WWP2: variants seen among roughly 807,000 people sequenced by gnomAD.
WWP2 encodes NEDD4-like E3 ubiquitin-protein ligase WWP2.
In WWP2, 57 loss-of-function variants were observed where a neutral mutation model predicts 121.0. That is an observed-to-expected ratio of 0.47 (90% CI 0.38 to 0.59). WWP2 has a LOEUF of 0.59. WWP2 is among the 20% of genes least tolerant of loss of function. WWP2 has a pLI of 0.00. For missense variants in WWP2, 962 were observed against 1,158.9 expected, an observed-to-expected ratio of 0.83 and a Z score of 2.47; for synonymous variants, 449 against 441.3, an observed-to-expected ratio of 1.02 and a Z score of -0.22.
intron 4 of WWP2, among the ~76,000 whole-genome samples, chr16:69,827,261 T>C (rs1276130422): frequency 6.6e-6 from 1 of 152,190 alleles, no homozygotes; most frequent in Admixed American, 6.5e-5. Flanking sequence ...GGTTCATTTA[T>C]TTCTTTGCCC....
chr16:69,822,352 G>T (rs189979968), intron 4 of WWP2, among the ~76,000 whole-genome samples: 10 of 152,318 alleles, frequency 6.6e-5, no homozygotes, highest in Admixed American at 2.0e-4. Flanking sequence ...CGAGCTAGAG[G>T]CTGGCGCTGA....
intron 6 of WWP2, among the ~76,000 whole-genome samples, chr16:69,864,185 T>TG (rs1278369443): frequency 6.6e-6 from 1 of 151,938 alleles, no homozygotes; most frequent in African/African-American, 2.4e-5. Flanking sequence ...CTGGGCAACA[T>TG]GGTAAAACCC....
chr16:69,826,570 T>TAA (rs2056696005), intron 4 of WWP2, among the ~76,000 whole-genome samples: 1 of 67,234 alleles, frequency 1.5e-5, no homozygotes, highest in Admixed American at 2.3e-4. Context: ...AGACTCCGTC[T>TAA]CAAAAAAAAA....
chr16:69,906,569 T>G (rs1427866452), intron 8 of WWP2, among the ~76,000 whole-genome samples: 4 of 152,228 alleles, frequency 2.6e-5, no homozygotes, highest in Non-Finnish European at 4.4e-5. Context: ...CTCCTAAAAG[T>G]CAGCACGTGA....
intron 10 of WWP2, among the ~76,000 whole-genome samples, chr16:69,922,264 T>C (rs7192872): frequency 0.043 from 6,479 of 151,634 alleles, 468 homozygotes; most frequent in African/African-American, 0.15. Context: ...AAAAAAAAAA[T>C]GCCTGCGTTC....
chr16:69,934,150 T>G (rs770278853), intron 17 of WWP2, 21 bp downstream of exon 17: 12 of 1,612,772 alleles, frequency 7.4e-6, no homozygotes, highest in Non-Finnish European at 1.0e-5. Context: ...CCCAGGGGTC[T>G]GCCTAGTTCC....
intron 8 of WWP2, among the ~76,000 whole-genome samples, chr16:69,889,899 A>T (rs1240250791): frequency 6.6e-6 from 1 of 152,134 alleles, no homozygotes; most frequent in African/African-American, 2.4e-5. Flanking sequence ...GTGCTGTATT[A>T]TTCTTTTTTT....
At chr16:69,840,352 G>A in intron 5 of WWP2, 89 bp downstream of exon 5, 1 of 1,565,958 alleles carries the variant, frequency 6.4e-7, no homozygotes, top group Non-Finnish European at 8.7e-7. Context: ...GTTCTTACTA[G>A]GCCATCTTGG....
chr16:69,861,977 C>G (rs1326231255), intron 6 of WWP2, among the ~76,000 whole-genome samples: 3 of 152,064 alleles, frequency 2.0e-5, no homozygotes, highest in African/African-American at 7.2e-5. Context: ...TACCGCTTAC[C>G]CGGATTGGAA....
In WWP2 at chr16:69,776,057, C is replaced by A. The variant is rs1342599036; in HGVS notation, c.-15-10939C>A. On this transcript the variant is annotated intron_variant, in intron 1 of 23. Coordinates refer to ENST00000359154, the MANE Select transcript of WWP2 (RefSeq NM_001270454.2). ...TAATTCCCTGTTGTTGTACTGGAGC[C>A]CTGTTGGTGTGACAGCAAAGTATGG... 2.6e-5 allele frequency: 4 copies of A among 152,300 alleles called. No homozygotes were observed. The East Asian group carries it at 7.7e-4, about 29-fold the overall frequency. The allele number at this position is 152,300 out of a possible 1,614,324, so 9.4% of individuals were successfully genotyped here. A position where few individuals can be genotyped will look rare whatever the true frequency, so the allele number is the denominator to read the frequency against.
At chr16:69,779,863 C>T (rs566522600) in intron 1 of WWP2, among the ~76,000 whole-genome samples, 3 of 152,248 alleles carry the variant, frequency 2.0e-5, no homozygotes, top group African/African-American at 4.8e-5. Flanking sequence ...ATTCAAGATA[C>T]GATCTTTTGC....
rs1284066364 is a variant in WWP2, at chr16:69,859,389, C to CA, written c.576-12407dup. ...GCAACATAGCCAAACCCCATCTCAA[C>CA]AAAAAAAATACAGAAATTAGCTAGG... On this transcript the variant is annotated intron_variant, in intron 6 of 23. Transcript: ENST00000359154. Among the ~76,000 whole-genome samples, 8 of 151,590 alleles carry CA rather than the reference C, an allele frequency of 5.3e-5. No individual in the cohort carries two copies. In the South Asian group the frequency reaches 6.3e-4, roughly 12 times the overall value.
chr16:69,831,475 G>A (rs2056792652), intron 4 of WWP2, among the ~76,000 whole-genome samples: 1 of 152,028 alleles, frequency 6.6e-6, no homozygotes, highest in Admixed American at 6.6e-5. Flanking sequence ...GTTGGAATAA[G>A]GACGGCAATT....
At chr16:69,921,361 G>A (rs2058559035) in intron 10 of WWP2, among the ~76,000 whole-genome samples, 1 of 152,226 alleles carries the variant, frequency 6.6e-6, no homozygotes, top group African/African-American at 2.4e-5. Flanking sequence ...AGACTAGCTA[G>A]CGGCCTCCCC....
rs536474804 is a variant in WWP2 at position 69,913,887 on chromosome 16, T to C, written c.1005-3822T>C. 9.2e-3 allele frequency among the ~76,000 whole-genome samples: 1,389 copies of C among 151,454 alleles called. 9 individuals are homozygous for C. The highest frequency in any genetic ancestry group is 0.016 in the Non-Finnish European group (1,079 of 67,834). On this transcript the variant is annotated intron_variant, in intron 9 of 23. Transcript: ENST00000359154. ...AAGTTCGAGACCAGCCTGGCCAACA[T>C]GGTGAAACCCCCGTCTCTACTAAAA...
At chr16:69,939,815 C>G in intron 23 of WWP2, 26 bp from the exon 24 acceptor site, 2 of 1,604,370 alleles carry the variant, frequency 1.2e-6, no homozygotes. Flanking sequence ...CTAGGGCTGA[C>G]TGTCGTGCTT....
At chr16:69,835,000 C>T (rs953202566) in intron 4 of WWP2, among the ~76,000 whole-genome samples, 1 of 152,190 alleles carries the variant, frequency 6.6e-6, no homozygotes, top group African/African-American at 2.4e-5. Flanking sequence ...GCTCAAGGCA[C>T]GGATGTGAAC....
rs386384998 is a variant in WWP2 at position 69,795,649 on chromosome 16, G to GTTTTTTTT, written c.71-3014_71-3007dup. Among the ~76,000 whole-genome samples, 89 of 66,952 alleles carry GTTTTTTTT rather than the reference G, an allele frequency of 1.3e-3. 19 individuals are homozygous for GTTTTTTTT. The highest frequency in any genetic ancestry group is 5.3e-3 in the African/African-American group (84 of 15,916). 43.9% of individuals were successfully genotyped at this position (66,952 alleles called of 152,430 possible). On this transcript the variant is annotated intron_variant, in intron 2 of 23. Transcript: ENST00000359154. Reference sequence around the variant, plus strand: ...TAGATTGGAAACTTAAAAATAGGAGGTTTTTTTTTTTTTTTTTTTTTTTTT... The same window carrying GTTTTTTTT: ...TAGATTGGAAACTTAAAAATAGGAGGTTTTTTTTTTTTTTTTTTTTTTTTTTTTTTTTT...
intron 8 of WWP2, among the ~76,000 whole-genome samples, chr16:69,892,490 T>A (rs2058044270): frequency 6.6e-6 from 1 of 152,210 alleles, no homozygotes; most frequent in African/African-American, 2.4e-5. Context: ...CAAATTACCA[T>A]GATCTGTCAC....
Sources: gnomAD v4.1 joint callset for allele counts (sites outside exome capture counted in the v4.1 genomes callset) on GRCh38, gnomAD v4.1.1 for gene constraint, MANE v1.5 for transcripts, NCBI Gene and HGNC (gene_info 2026-07-23, HGNC 2026-07-21) for gene names.